PBX1: variants seen among roughly 807,000 people sequenced by gnomAD.
The protein encoded by PBX1 is pre-B-cell leukemia transcription factor 1.
Under a neutral mutation model 53.4 loss-of-function variants are expected in PBX1, and 6 were observed. The ratio of observed to expected loss-of-function variants is 0.11; its 90% CI spans 0.06 to 0.22. PBX1 has a LOEUF of 0.22. Ranked by LOEUF, PBX1 falls within the 10% of genes least tolerant of loss-of-function variation. The probability of loss-of-function intolerance (pLI) is 1.00; values close to 1 mark genes in which losing one functional copy is unlikely to be tolerated. For missense variants in PBX1, 251 were observed against 551.4 expected, an observed-to-expected ratio of 0.46 and a Z score of 5.46; for synonymous variants, 204 against 212.3, an observed-to-expected ratio of 0.96 and a Z score of 0.34.
At chr1:164,703,912 T>G (rs1663277079) in intron 2 of PBX1, among the ~76,000 whole-genome samples, 1 of 152,174 alleles carries the variant, frequency 6.6e-6, no homozygotes, top group Non-Finnish European at 1.5e-5. Context: ...CTCTTTTTAT[T>G]GGCATTTCCT....
intron 2 of PBX1, among the ~76,000 whole-genome samples, chr1:164,762,584 G>C (rs1666866453): frequency 6.6e-6 from 1 of 152,162 alleles, no homozygotes. Context: ...GTGTGCAGTA[G>C]GTCCATTCCT....
At chr1:164,823,122 T>G (rs955755555) in intron 8 of PBX1, among the ~76,000 whole-genome samples, 1 of 152,236 alleles carries the variant, frequency 6.6e-6, no homozygotes, top group African/African-American at 2.4e-5. Flanking sequence ...AAGTTAACCC[T>G]GTTAAACATA....
chr1:164,559,377 C>A lies in PBX1; in HGVS notation c.-446C>A, dbSNP rs529848541. ...GGGGGGGGAAAGTTTGCATTGCAAT[C>A]CCCCTGCCTTCCTCTCCTTTCTCCC... is the stretch of plus-strand genomic sequence containing the variant. On this transcript the variant is annotated 5_prime_UTR_variant, in exon 1 of 9. Coordinates refer to ENST00000420696, the MANE Select transcript of PBX1 (RefSeq NM_002585.4). 4.4e-4 allele frequency: 97 copies of A among 221,224 alleles called. No homozygotes were observed. The highest frequency in any genetic ancestry group is 2.0e-3 in the African/African-American group (90 of 44,712). 13.7% of individuals were successfully genotyped at this position (221,224 alleles called of 1,614,324 possible).
intron 2 of PBX1, among the ~76,000 whole-genome samples, chr1:164,784,620 C>T (rs995110893): frequency 6.6e-6 from 1 of 152,202 alleles, no homozygotes; most frequent in African/African-American, 2.4e-5. Context: ...TCATCTCTTG[C>T]CCTAAAACCT....
In PBX1 at chr1:164,776,975, GAGA is replaced by G. The variant is rs1305813451; in HGVS notation, c.266-15518_266-15516del. Among the ~76,000 whole-genome samples, 999 of 108,384 alleles carry G rather than the reference GAGA, an allele frequency of 9.2e-3. 136 individuals carry two copies. The highest frequency in any genetic ancestry group is 0.043 in the African/African-American group (933 of 21,808). The allele number at this position is 108,384 out of a possible 152,430, so 71.1% of individuals were successfully genotyped here. On this transcript the variant is annotated intron_variant, in intron 2 of 8. Transcript: ENST00000420696. ...AGAGAGAGAGAGAGAGAGAGAGAGAGAGAGGAGGTGTGGGGGGGCGGGGGGCTG... is the reference window on the plus strand; with the variant it reads ...AGAGAGAGAGAGAGAGAGAGAGAGAGGGAGGTGTGGGGGGGCGGGGGGCTG...
chr1:164,631,835 A>G (rs1620861), intron 2 of PBX1, among the ~76,000 whole-genome samples: 65,616 of 152,082 alleles, frequency 0.43, 14,660 homozygotes, highest in East Asian at 0.54. Flanking sequence ...ATATTCGACT[A>G]TTTTCATATT....
At position 164,811,981 on chromosome 1, in the gene PBX1, CT is replaced by C. The variant is rs759814153; in HGVS notation, c.838-8del. The C allele has an allele frequency of 3.7e-6, 6 of 1,606,002 alleles. No homozygotes were observed. In the South Asian group the frequency reaches 5.6e-5, roughly 15 times the overall value. On this transcript the variant is annotated splice_polypyrimidine_tract_variant and splice_region_variant and intron_variant, in intron 5 of 8. Transcript: ENST00000420696. ...GTGAACTTTCTCATCTTCTCTTAAA[CT>C]ACTCTAGGTATCAAACTGGTTTGGA...
At chr1:164,862,009 C>A (rs1672111296) in intron 2 of PBX1, among the ~76,000 whole-genome samples, 1 of 152,142 alleles carries the variant, frequency 6.6e-6, no homozygotes, top group Non-Finnish European at 1.5e-5. Flanking sequence ...TTTAGCTATT[C>A]TTTTGAGTGA....
intron 4 of PBX1, 60 bp from the exon 5 acceptor site, chr1:164,807,482 C>G: frequency 1.3e-6 from 2 of 1,562,756 alleles, no homozygotes; most frequent in Non-Finnish European, 1.7e-6. Context: ...TTTATTCTCT[C>G]CCATTTTATA....
intron 2 of PBX1, among the ~76,000 whole-genome samples, chr1:164,713,736 A>G (rs938140364): frequency 3.9e-5 from 6 of 152,194 alleles, no homozygotes; most frequent in African/African-American, 1.2e-4. Context: ...AGAAAGCATT[A>G]TTACCATTAT....
chr1:164,560,303 T>A (rs948856688), intron 1 of PBX1: 13 of 399,574 alleles, frequency 3.3e-5, no homozygotes, highest in Admixed American at 4.4e-5. Flanking sequence ...CCGAAAATAC[T>A]GCCAACTGAT....
chr1:164,750,852 G>A (rs1425197670), intron 2 of PBX1, among the ~76,000 whole-genome samples: 2 of 152,142 alleles, frequency 1.3e-5, no homozygotes, highest in Admixed American at 6.5e-5. Context: ...AAATGATAGC[G>A]GTAGAGGCTG....
intron 2 of PBX1, among the ~76,000 whole-genome samples, chr1:164,766,736 TTA>T (rs200113069): frequency 0.038 from 4,064 of 106,362 alleles, 151 homozygotes; most frequent in African/African-American, 0.11. Context: ...ATTTATTTAT[TTA>T]TTTTTTTTTT....
At chr1:164,625,321 C>T (rs1338335918) in intron 2 of PBX1, among the ~76,000 whole-genome samples, 1 of 152,148 alleles carries the variant, frequency 6.6e-6, no homozygotes, top group African/African-American at 2.4e-5. Flanking sequence ...AATTAGTCCT[C>T]TACTCTTGAA....
At chr1:164,860,660 T>C (rs1672075567) in intron 2 of PBX1, among the ~76,000 whole-genome samples, 1 of 152,154 alleles carries the variant, frequency 6.6e-6, no homozygotes, top group South Asian at 2.1e-4. Context: ...GCATAGAATA[T>C]GCATAGACAT....
chr1:164,812,176 G>A (rs1217117833), intron 6 of PBX1, 27 bp downstream of exon 6: 10 of 1,591,492 alleles, frequency 6.3e-6, no homozygotes, highest in African/African-American at 1.4e-5. Context: ...ATTGGGGGTG[G>A]GGGAAGGAAT....
At chr1:164,564,974 A>T (rs930431501) in intron 2 of PBX1, among the ~76,000 whole-genome samples, 1 of 152,136 alleles carries the variant, frequency 6.6e-6, no homozygotes, top group African/African-American at 2.4e-5. Flanking sequence ...CAAAATATAA[A>T]AGCATATGTG....
intron 2 of PBX1, chr1:164,700,441 G>C: frequency 2.0e-6 from 2 of 985,110 alleles, no homozygotes; most frequent in Non-Finnish European, 2.4e-6. Context: ...CTTTGGTTAC[G>C]TAGGGGAGGA....
chr1:164,587,679 G>C (rs1394742816), intron 2 of PBX1, among the ~76,000 whole-genome samples: 1 of 152,126 alleles, frequency 6.6e-6, no homozygotes, highest in African/African-American at 2.4e-5. Flanking sequence ...GAAGATTAAT[G>C]AATAGTCATC....
Sources: allele counts gnomAD v4.1 joint callset (sites outside exome capture counted in the v4.1 genomes callset), GRCh38; gene constraint gnomAD v4.1.1; transcripts MANE v1.5; gene names NCBI Gene and HGNC (gene_info 2026-07-23, HGNC 2026-07-21).